Variants in NFILZ observed in about 807,000 individuals in gnomAD.
NFILZ encodes NFIL3 like basic leucine zipper, also known as NFIL3 like protein.
Position 8,663,750 on chromosome 19 carries a change from G to GTGTGTA in NFILZ, c.-163-10796_-163-10795insATGTGT, listed in dbSNP as rs2043047125. On this transcript the variant is annotated intron_variant, in intron 3 of 5. Coordinates refer to ENST00000691075, the MANE Select transcript of NFILZ (RefSeq NM_001378600.1). The stretch of plus-strand genomic sequence containing the variant: ...TGTGTGTGTGTGTGTGTGTGTGTGT[G>GTGTGTA]TGTGTGTGTGTGTGTGTGTGTATGT... Among the ~76,000 whole-genome samples, 22 of 137,064 alleles carry GTGTGTA rather than the reference G, an allele frequency of 1.6e-4. No homozygotes were observed. In the East Asian group the frequency reaches 2.4e-3, roughly 15 times the overall value. The allele number at this position is 137,064 out of a possible 152,430, so 89.9% of individuals were successfully genotyped here. A position where few individuals can be genotyped will look rare whatever the true frequency, so the allele number is the denominator to read the frequency against.
At chr19:8,633,420 A>G (rs1555745765) in intron 2 of NFILZ, among the ~76,000 whole-genome samples, 2 of 152,066 alleles carry the variant, frequency 1.3e-5, no homozygotes, top group African/African-American at 2.4e-5. Flanking sequence ...TGGGGTCTGG[A>G]TCGGGACCCT....
intron 1 of NFILZ, among the ~76,000 whole-genome samples, chr19:8,631,830 TTGTGTGTGTGTGTG>T (rs71179868): frequency 0.02 from 2,935 of 146,000 alleles, 99 homozygotes; most frequent in African/African-American, 0.071. Context: ...GTCCTCGCTT[TTGTGTGTGTGTGTG>T]TGTGTGTGTG....
At chr19:8,674,042 G>C (rs978180465) in intron 3 of NFILZ, among the ~76,000 whole-genome samples, 1 of 152,102 alleles carries the variant, frequency 6.6e-6, no homozygotes, top group African/African-American at 2.4e-5. Flanking sequence ...GGGTTTCACC[G>C]TGTTAGCCAG....
chr19:8,675,127 A>G (rs915950401), intron 4 of NFILZ, among the ~76,000 whole-genome samples: 1 of 152,238 alleles, frequency 6.6e-6, no homozygotes, highest in Non-Finnish European at 1.5e-5. Context: ...CAGGGATACA[A>G]GAGTAGACCA....
In NFILZ at chr19:8,680,299, TTTCATTCA is replaced by T. The variant is rs57880553; in HGVS notation, c.*2687_*2694del. On this transcript the variant is annotated 3_prime_UTR_variant, in exon 6 of 6. Transcript: ENST00000691075. ...GCTTGTGGCTCAGCTATAACAGCAT[TTTCATTCA>T]TTCATTCATTCATTCATTCATTTTT... Among the ~76,000 whole-genome samples the T allele has an allele frequency of 6.8e-5, 10 of 147,846 alleles. No individual in the cohort carries two copies. The highest frequency in any genetic ancestry group is 5.8e-4 in the East Asian group (3 of 5,138).
chr19:8,665,434 G>A lies in NFILZ; in HGVS notation c.-163-9117G>A, dbSNP rs2043057620. On this transcript the variant is annotated intron_variant, in intron 3 of 5. Coordinates refer to ENST00000691075, the MANE Select transcript of NFILZ (RefSeq NM_001378600.1). ...AAGGGATAGAGAAAAGCCTGGAGCA[G>A]TGACCCAGGTAGCAGAAAAACAATA... is the stretch of plus-strand genomic sequence containing the variant. 2.0e-5 allele frequency among the ~76,000 whole-genome samples: 3 copies of A among 152,198 alleles called. No homozygotes were observed. The South Asian group carries it at 6.2e-4, about 32-fold the overall frequency.
At chr19:8,673,318 T>C (rs1321182316) in intron 3 of NFILZ, among the ~76,000 whole-genome samples, 2 of 152,100 alleles carry the variant, frequency 1.3e-5, no homozygotes, top group Non-Finnish European at 2.9e-5. Flanking sequence ...AAGGGCTCAG[T>C]GAACTTGGAC....
intron 3 of NFILZ, among the ~76,000 whole-genome samples, chr19:8,672,540 T>TA (rs568881063): frequency 1.3e-3 from 203 of 151,978 alleles, no homozygotes; most frequent in African/African-American, 4.7e-3. Context: ...ATTAGTTCAT[T>TA]AAAAAATTCA....
At chr19:8,670,535 T>C (rs2146170782) in intron 3 of NFILZ, among the ~76,000 whole-genome samples, 1 of 152,346 alleles carries the variant, frequency 6.6e-6, no homozygotes, top group South Asian at 2.1e-4. Context: ...GATGAAATAA[T>C]ACTCAAAAGG....
chr19:8,654,247 A>C (rs186975755), intron 3 of NFILZ, among the ~76,000 whole-genome samples: 147 of 151,228 alleles, frequency 9.7e-4, no homozygotes, highest in African/African-American at 3.4e-3. Context: ...CAAACAAACA[A>C]AAACAAACAA....
At chr19:8,661,120 T>TCCCTTCCTCCCCCC (rs1600150396) in intron 3 of NFILZ, among the ~76,000 whole-genome samples, 1 of 98,898 alleles carries the variant, frequency 1.0e-5, no homozygotes, top group East Asian at 3.7e-4. Context: ...CCTTCCTTCC[T>TCCCTTCCTCCCCCC]TCCCTCCCTT....
intron 3 of NFILZ, among the ~76,000 whole-genome samples, chr19:8,636,141 C>T (rs1171624865): frequency 1.3e-5 from 2 of 151,822 alleles, no homozygotes; most frequent in Non-Finnish European, 2.9e-5. Flanking sequence ...CCAGCCAAAA[C>T]CAGCCTTTTA....
intron 3 of NFILZ, among the ~76,000 whole-genome samples, chr19:8,642,373 G>A (rs1241786856): frequency 1.3e-5 from 2 of 152,206 alleles, no homozygotes; most frequent in Non-Finnish European, 2.9e-5. Flanking sequence ...TTTCCAAAGA[G>A]AGTGTGTTTA....
intron 3 of NFILZ, among the ~76,000 whole-genome samples, chr19:8,647,842 G>C (rs2146144836): frequency 7.3e-6 from 1 of 136,810 alleles, no homozygotes. Context: ...CACACAACTG[G>C]GGCCTGTTGG....
At chr19:8,675,495 A>AT (rs1156502983) in intron 4 of NFILZ, among the ~76,000 whole-genome samples, 2 of 151,922 alleles carry the variant, frequency 1.3e-5, no homozygotes, top group Non-Finnish European at 2.9e-5. Flanking sequence ...AATAACTTTG[A>AT]TTTTTTTTCT....
chr19:8,675,819 T>C (rs528232403), intron 4 of NFILZ, among the ~76,000 whole-genome samples: 1 of 152,200 alleles, frequency 6.6e-6, no homozygotes, highest in South Asian at 2.1e-4. Context: ...TGGATGAATA[T>C]ATAGATGAAT....
chr19:8,660,640 C>CT (rs71179880), intron 3 of NFILZ, among the ~76,000 whole-genome samples: 85 of 111,806 alleles, frequency 7.6e-4, no homozygotes, highest in South Asian at 1.7e-3. Context: ...CCCTCCCTTA[C>CT]TTTTTTTTTT....
chr19:8,632,671 C>A (rs1252189488), intron 2 of NFILZ, 46 bp downstream of exon 2: 3 of 151,910 alleles, frequency 2.0e-5, no homozygotes, highest in African/African-American at 7.3e-5. Flanking sequence ...AAGAAATAAC[C>A]ATAAAAATGG....
At chr19:8,641,998 C>CT (rs1371656409) in intron 3 of NFILZ, among the ~76,000 whole-genome samples, 4 of 151,678 alleles carry the variant, frequency 2.6e-5, no homozygotes, top group South Asian at 2.1e-4. Context: ...CCAGCTAGTA[C>CT]TTTTTTTTAC....
Sources: allele counts gnomAD v4.1 joint callset (sites outside exome capture counted in the v4.1 genomes callset), GRCh38; gene constraint gnomAD v4.1.1; transcripts MANE v1.5; gene names NCBI Gene and HGNC (gene_info 2026-07-23, HGNC 2026-07-21).